CASC3: variants seen among roughly 807,000 people sequenced by gnomAD.
CASC3 encodes the protein protein CASC3.
In CASC3, 30 loss-of-function variants were observed where a neutral mutation model predicts 80.5. The ratio of observed to expected loss-of-function variants is 0.37; its 90% CI spans 0.28 to 0.51. The LOEUF (loss-of-function observed/expected upper bound fraction) is 0.51. Ranked by LOEUF, CASC3 falls within the 20% of genes least tolerant of loss-of-function variation. The pLI, the probability that CASC3 is intolerant of heterozygous loss-of-function variation, is 0.94. For synonymous variants in CASC3, 312 were observed against 333.6 expected (o/e 0.94, Z 0.70); for missense variants, 824 against 922.2 (o/e 0.89, Z 1.38).
chr17:40,171,230 C>T lies in CASC3; in HGVS notation c.*825C>T. The T allele has an allele frequency of 8.1e-6, 8 of 985,996 alleles. No homozygotes were observed. Among genetic ancestry groups the T allele is most frequent in the Non-Finnish European group, 9.6e-6 (8 of 829,966 alleles). The allele number at this position is 985,996 out of a possible 1,614,324, so 61.1% of individuals were successfully genotyped here. On this transcript the variant is annotated 3_prime_UTR_variant, in exon 14 of 14. Coordinates refer to ENST00000264645, the MANE Select transcript of CASC3 (RefSeq NM_007359.5). Reference sequence around the variant, plus strand: ...TTCTCTGCTGAGGGCCAATACCCTACTGTGGGGAGAGATGGCACACCAGAT... The same window carrying T: ...TTCTCTGCTGAGGGCCAATACCCTATTGTGGGGAGAGATGGCACACCAGAT...
chr17:40,167,670 A>G (rs1451407768), intron 9 of CASC3, 58 bp downstream of exon 9: 4 of 1,400,210 alleles, frequency 2.9e-6, no homozygotes, highest in Admixed American at 3.5e-5. Context: ...GAAGTAAGAT[A>G]CCAGGCTCCT....
chr17:40,165,961 G>T (rs1989440872), intron 7 of CASC3, among the ~76,000 whole-genome samples: 1 of 151,614 alleles, frequency 6.6e-6, no homozygotes. Flanking sequence ...AAGACGGGGG[G>T]TCTCACTGTG....
intron 3 of CASC3, among the ~76,000 whole-genome samples, chr17:40,159,818 C>T (rs1187235959): frequency 6.8e-6 from 1 of 147,724 alleles, no homozygotes; most frequent in Non-Finnish European, 1.5e-5. Context: ...TGGGTTTAAG[C>T]AATTCTCTTG....
intron 7 of CASC3, 84 bp downstream of exon 7, chr17:40,164,250 G>A (rs749582117): frequency 4.5e-6 from 5 of 1,112,714 alleles, no homozygotes; most frequent in African/African-American, 3.2e-5. Flanking sequence ...TCAGGAAGGT[G>A]GTGTCTGACA....
Position 40,168,358 on chromosome 17 carries a change from C to G in CASC3, c.1906C>G (p.Pro636Ala). 1 of 1,614,018 alleles carries G rather than the reference C, an allele frequency of 6.2e-7. No homozygotes were observed. The highest frequency in any genetic ancestry group is 8.5e-7 in the Non-Finnish European group (1 of 1,179,984). The part of the protein sequence containing the change: ...GVMNFGNPSY[P>A]YAPGALPPPP... ...CATGAACTTTGGTAATCCCAGTTAC[C>G]CTTATGCTCCAGGGGCACTGCCTCC... Residue 636 changes from proline (P) to alanine (A), a missense_variant, in exon 11 of 14, where the codon CCT (proline) becomes GCT (alanine). This residue lies in a region of CASC3 where 464 missense variants were observed against 506.0 expected (regional missense o/e 0.92). Coordinates refer to ENST00000264645, the MANE Select transcript of CASC3 (RefSeq NM_007359.5).
intron 3 of CASC3, 78 bp downstream of exon 3, chr17:40,141,685 G>T (rs1464187571): frequency 9.6e-7 from 1 of 1,037,194 alleles, no homozygotes; most frequent in Non-Finnish European, 1.5e-6. Flanking sequence ...CGTTGCAAAC[G>T]TACCATGACC....
At chr17:40,169,209 A>G (rs948889768) in intron 11 of CASC3, 115 bp from the exon 12 acceptor site, 13 of 1,110,212 alleles carry the variant, frequency 1.2e-5, no homozygotes, top group African/African-American at 1.6e-5. Context: ...CAGATTAGAT[A>G]TTTTTAAAAT....
chr17:40,156,680 C>T (rs1204058359), intron 3 of CASC3, among the ~76,000 whole-genome samples: 1 of 151,770 alleles, frequency 6.6e-6, no homozygotes, highest in Non-Finnish European at 1.5e-5. Flanking sequence ...CAGAGTGAGA[C>T]TCCGTTTCAA....
intron 3 of CASC3, among the ~76,000 whole-genome samples, chr17:40,155,547 C>T (rs1402257137): frequency 6.6e-6 from 1 of 152,176 alleles, no homozygotes; most frequent in African/African-American, 2.4e-5. Context: ...AGACTGACCT[C>T]AGTGCTAAAG....
At chr17:40,167,719 T>C in intron 9 of CASC3, 107 bp downstream of exon 9, 1 of 1,226,818 alleles carries the variant, frequency 8.2e-7, no homozygotes, top group African/African-American at 1.5e-5. Flanking sequence ...ATAGTGGTTA[T>C]CAAACATTGT....
intron 3 of CASC3, among the ~76,000 whole-genome samples, chr17:40,155,628 G>C (rs1424607186): frequency 6.6e-6 from 1 of 152,156 alleles, no homozygotes; most frequent in Non-Finnish European, 1.5e-5. Flanking sequence ...AGAGGAGTTA[G>C]ATCTGAAAGA....
intron 3 of CASC3, among the ~76,000 whole-genome samples, chr17:40,144,677 T>TTTTG (rs1988809093): frequency 6.8e-6 from 1 of 147,182 alleles, no homozygotes; most frequent in Non-Finnish European, 1.5e-5. Context: ...TTTTTTTTTT[T>TTTTG]TTTAAAAAAG....
intron 3 of CASC3, among the ~76,000 whole-genome samples, chr17:40,156,148 G>T (rs1989140802): frequency 6.6e-6 from 1 of 152,038 alleles, no homozygotes; most frequent in African/African-American, 2.4e-5. Flanking sequence ...TGTAATTTCT[G>T]CTTGAAAATC....
At position 40,168,397 on chromosome 17, in the gene CASC3, C is replaced by T. The variant is rs1989508000; in HGVS notation, c.1945C>T (p.His649Tyr). Residue 649 changes from histidine to tyrosine, a missense_variant, in exon 11 of 14, where the codon CAT (histidine) becomes TAT (tyrosine). His to Tyr is a moderately conservative substitution (Grantham distance 83). Around this residue, in one of 3 missense-constraint regions of CASC3, gnomAD observed 464 missense variants for 506.0 expected, o/e 0.92. Coordinates refer to ENST00000264645, the MANE Select transcript of CASC3 (RefSeq NM_007359.5). The part of the protein sequence containing the change: ...PGALPPPPPP[H>Y]LYPNTQAPSQ... ...GGCACTGCCTCCCCCACCACCGCCT[C>T]ATCTGTATCCTAATACACAGGTGAG... is the stretch of plus-strand genomic sequence containing the variant. 1 of 1,613,886 alleles carries T rather than the reference C, an allele frequency of 6.2e-7. No individual in the cohort carries two copies. Among genetic ancestry groups the T allele is most frequent in the Non-Finnish European group, 8.5e-7 (1 of 1,179,920 alleles).
chr17:40,144,274 AAAAC>A lies in CASC3; in HGVS notation c.297+2671_297+2674del, dbSNP rs140268077. Among the ~76,000 whole-genome samples the A allele has an allele frequency of 2.7e-4, 41 of 152,236 alleles. 1 individual carries two copies. Among genetic ancestry groups the A allele is most frequent in the Non-Finnish European group, 5.1e-4 (35 of 67,986 alleles). ...AACTCTGTCTCAAAAAACAAAAACA[AAAAC>A]AAAACTCATGTACTACATAAATATA... On this transcript the variant is annotated intron_variant, in intron 3 of 13. Coordinates refer to ENST00000264645, the MANE Select transcript of CASC3 (RefSeq NM_007359.5).
intron 3 of CASC3, among the ~76,000 whole-genome samples, chr17:40,145,686 A>ACT (rs1375608920): frequency 1.3e-5 from 2 of 151,642 alleles, no homozygotes; most frequent in East Asian, 3.9e-4. Flanking sequence ...GTATCACTGT[A>ACT]CTCCAGCCTG....
In CASC3 at chr17:40,141,063, T is replaced by C. The variant is rs1988701688; in HGVS notation, c.232-144T>C. ...GGAAGGAGACCAGACCTGCCTTGGC[T>C]ACTACTTGATAAAGATTTACCTATC... is the stretch of plus-strand genomic sequence containing the variant. On this transcript the variant is annotated intron_variant, in intron 1 of 13. Transcript: ENST00000264645. The C allele has an allele frequency of 7.6e-6, 6 of 784,838 alleles. No individual in the cohort carries two copies. In the Admixed American group the frequency reaches 1.3e-4, roughly 17 times the overall value. The allele number at this position is 784,838 out of a possible 1,614,324, so 48.6% of individuals were successfully genotyped here.
Position 40,169,338 on chromosome 17 carries a change from A to G in CASC3, c.1980A>G (p.Val660=). 6.2e-7 allele frequency: 1 copy of G among 1,608,506 alleles called. No individual in the cohort carries two copies. The highest frequency in any genetic ancestry group is 8.5e-7 in the Non-Finnish European group (1 of 1,177,984). The part of the protein sequence containing the change: ...LYPNTQAPSQ[V]YGGVTYYNPA... ...TGGGGTCCCAGGCCCCATCACAGGTATATGGAGGAGTGACCTACTATAACC... is the reference window on the plus strand; with the variant it reads ...TGGGGTCCCAGGCCCCATCACAGGTGTATGGAGGAGTGACCTACTATAACC... The change falls in exon 12 of 14, where the codon GTA becomes GTG. Residue 660 remains valine (V), a synonymous_variant. Coordinates refer to ENST00000264645, the MANE Select transcript of CASC3 (RefSeq NM_007359.5).
At chr17:40,166,664 T>C in intron 7 of CASC3, 133 bp from the exon 8 acceptor site, 1 of 572,678 alleles carries the variant, frequency 1.7e-6, no homozygotes, top group Middle Eastern at 3.1e-4. Flanking sequence ...AGAGATAGTT[T>C]ATAGAGAATT....
Sources: gnomAD v4.1 joint callset for allele counts (sites outside exome capture counted in the v4.1 genomes callset) on GRCh38, gnomAD v4.1.1 for gene constraint, gnomAD v4.1.1 regional missense constraint, MANE v1.5 for transcripts, NCBI Gene and HGNC (gene_info 2026-07-23, HGNC 2026-07-21) for gene names.